The following TRPM3 variants were observed in gnomAD, a reference collection of about 807,000 sequenced individuals.
TRPM3 encodes transient receptor potential cation channel subfamily M member 3.
A neutral mutation model predicts 181.2 loss-of-function variants in TRPM3; 77 were observed. The observed-to-expected ratio is 0.42, with a 90% CI of 0.35 to 0.51. The LOEUF (loss-of-function observed/expected upper bound fraction) is 0.51. TRPM3 is among the 20% of genes least tolerant of loss of function. TRPM3 has a pLI of 0.01. For missense variants in TRPM3, 1,759 were observed against 2,196.7 expected (o/e 0.80, Z 3.98); for synonymous variants, 745 against 796.4 (o/e 0.94, Z 1.09).
At chr9:70,909,225 G>A (rs1315156169) in intron 1 of TRPM3, among the ~76,000 whole-genome samples, 1 of 152,196 alleles carries the variant, frequency 6.6e-6, no homozygotes. Context: ...ATTTAGAAGA[G>A]TATCCTGAGG....
intron 3 of TRPM3, among the ~76,000 whole-genome samples, chr9:70,859,831 T>C (rs1315742073): frequency 6.6e-6 from 1 of 152,172 alleles, no homozygotes; most frequent in African/African-American, 2.4e-5. Flanking sequence ...TCTCACTTAC[T>C]GTTTTGCTGG....
At chr9:70,826,864 C>T (rs1166106869) in intron 6 of TRPM3, 1 of 152,174 alleles carries the variant, frequency 6.6e-6, no homozygotes, top group Admixed American at 6.5e-5. Flanking sequence ...TCACCTGTTA[C>T]TTTATAAAAA....
rs113380626 is a variant in TRPM3 at position 71,380,533 on chromosome 9, G to A, written c.183+66120C>T. Among the ~76,000 whole-genome samples, 80 of 152,064 alleles carry A rather than the reference G, an allele frequency of 5.3e-4. 1 individual carries two copies. The highest frequency in any genetic ancestry group is 1.8e-3 in the African/African-American group (75 of 41,496). On this transcript the variant is annotated intron_variant, in intron 1 of 24. Transcript: ENST00000357533. Reference sequence around the variant, plus strand: ...ATCAGTAACCAACTCAAGCCCACAGGGTTGGCCACGAACCTACCTCTCTAA... The same window carrying A: ...ATCAGTAACCAACTCAAGCCCACAGAGTTGGCCACGAACCTACCTCTCTAA...
chr9:70,976,882 C>A (rs957368653), intron 1 of TRPM3, among the ~76,000 whole-genome samples: 1 of 152,178 alleles, frequency 6.6e-6, no homozygotes, highest in African/African-American at 2.4e-5. Context: ...ACAAAGGACA[C>A]CAGGTGCTGC....
chr9:70,990,787 T>C (rs776017507), intron 1 of TRPM3, among the ~76,000 whole-genome samples: 11 of 151,972 alleles, frequency 7.2e-5, no homozygotes, highest in Non-Finnish European at 1.2e-4. Flanking sequence ...ATTTTAGAAC[T>C]ACTAAGTTTT....
intron 1 of TRPM3, among the ~76,000 whole-genome samples, chr9:71,211,613 G>T (rs920704955): frequency 6.6e-6 from 1 of 152,072 alleles, no homozygotes; most frequent in Non-Finnish European, 1.5e-5. Context: ...ATCTGTTCTG[G>T]GTTTCTCTCC....
intron 1 of TRPM3, among the ~76,000 whole-genome samples, chr9:71,280,746 T>C (rs1588265723): frequency 6.6e-6 from 1 of 152,254 alleles, no homozygotes; most frequent in East Asian, 1.9e-4. Flanking sequence ...CACATGGGGT[T>C]CTCGTGGCCT....
At chr9:70,947,360 A>C (rs2096944852) in intron 1 of TRPM3, among the ~76,000 whole-genome samples, 1 of 152,190 alleles carries the variant, frequency 6.6e-6, no homozygotes, top group Non-Finnish European at 1.5e-5. Context: ...TTCTAGGTCA[A>C]AGCCTGTGCT....
intron 1 of TRPM3, among the ~76,000 whole-genome samples, chr9:70,977,712 T>C (rs1340819298): frequency 6.6e-6 from 1 of 152,184 alleles, no homozygotes; most frequent in African/African-American, 2.4e-5. Context: ...TTAGGTTCAA[T>C]AATTTGCCAG....
At chr9:70,799,065 C>T (rs182595710) in intron 6 of TRPM3, among the ~76,000 whole-genome samples, 6 of 152,270 alleles carry the variant, frequency 3.9e-5, no homozygotes, top group East Asian at 3.9e-4. Context: ...CCAGCTAAAG[C>T]GACAAAGTAT....
At chr9:70,757,745 T>C (rs536640052) in intron 8 of TRPM3, among the ~76,000 whole-genome samples, 13 of 152,306 alleles carry the variant, frequency 8.5e-5, no homozygotes, top group African/African-American at 2.9e-4. Context: ...ATTATCTCAA[T>C]AGATGCAGAA....
chr9:70,786,393 G>C (rs1437853005), intron 6 of TRPM3, among the ~76,000 whole-genome samples: 1 of 151,546 alleles, frequency 6.6e-6, no homozygotes, highest in East Asian at 1.9e-4. Flanking sequence ...GCTGAAGCTG[G>C]AGAATTGCTT....
At chr9:70,924,397 A>G (rs922316326) in intron 1 of TRPM3, among the ~76,000 whole-genome samples, 1 of 152,188 alleles carries the variant, frequency 6.6e-6, no homozygotes, top group African/African-American at 2.4e-5. Context: ...GCATGAATTT[A>G]ATGCTGTACA....
intron 9 of TRPM3, among the ~76,000 whole-genome samples, chr9:70,672,016 T>A (rs1192861634): frequency 6.6e-6 from 1 of 151,782 alleles, no homozygotes; most frequent in Non-Finnish European, 1.5e-5. Context: ...ATGATCTGCC[T>A]GCCTCGGCCT....
intron 1 of TRPM3, among the ~76,000 whole-genome samples, chr9:71,366,778 C>A (rs927769404): frequency 6.6e-6 from 1 of 152,022 alleles, no homozygotes; most frequent in African/African-American, 2.4e-5. Context: ...ACTATTTTTA[C>A]TATTTACTCA....
At chr9:71,078,799 T>A (rs2063811782) in intron 1 of TRPM3, among the ~76,000 whole-genome samples, 1 of 151,922 alleles carries the variant, frequency 6.6e-6, no homozygotes, top group Non-Finnish European at 1.5e-5. Flanking sequence ...ATTTTCCAAT[T>A]TCATTTCAAT....
At chr9:71,064,015 G>A (rs2061619503) in intron 1 of TRPM3, among the ~76,000 whole-genome samples, 1 of 152,036 alleles carries the variant, frequency 6.6e-6, no homozygotes, top group South Asian at 2.1e-4. Flanking sequence ...TAGGCAACAT[G>A]AGTAAACAGC....
At chr9:71,024,906 G>A (rs78077988) in intron 1 of TRPM3, among the ~76,000 whole-genome samples, 1 of 151,990 alleles carries the variant, frequency 6.6e-6, no homozygotes, top group Non-Finnish European at 1.5e-5. Context: ...AAAGCTGTTT[G>A]AAAAAAAGGG....
chr9:70,818,241 T>C (rs897652124), intron 6 of TRPM3, among the ~76,000 whole-genome samples: 2 of 152,234 alleles, frequency 1.3e-5, no homozygotes, highest in Non-Finnish European at 2.9e-5. Context: ...TTGAAAAGCA[T>C]GATTCATGAA....
Sources: allele counts gnomAD v4.1 joint callset (sites outside exome capture counted in the v4.1 genomes callset), GRCh38; gene constraint gnomAD v4.1.1; transcripts MANE v1.5; gene names NCBI Gene and HGNC (gene_info 2026-07-23, HGNC 2026-07-21).